The following NRG3 variants were observed in gnomAD, a reference collection of about 807,000 sequenced individuals.
NRG3 encodes the protein pro-neuregulin-3, membrane-bound isoform.
Under a neutral mutation model 66.9 loss-of-function variants are expected in NRG3, and 31 were observed. That is an observed-to-expected ratio of 0.46 (90% CI 0.35 to 0.63). The LOEUF is 0.63. Among genes scored for constraint, NRG3 ranks in the 20% least tolerant of loss-of-function variants. NRG3 has a pLI of 0.00. For missense variants in NRG3, 910 were observed against 878.9 expected (o/e 1.04, Z -0.45); for synonymous variants, 393 against 359.4 (o/e 1.09, Z -1.06).
intron 4 of NRG3, among the ~76,000 whole-genome samples, chr10:82,896,414 A>G (rs17101029): frequency 0.04 from 6,031 of 152,294 alleles, 138 homozygotes; most frequent in Middle Eastern, 0.1. Context: ...GGAATCAAGG[A>G]TCTGTAGAAT....
chr10:81,937,129 C>T (rs543410012), intron 1 of NRG3, among the ~76,000 whole-genome samples: 31 of 152,186 alleles, frequency 2.0e-4, no homozygotes, highest in East Asian at 1.2e-3. Flanking sequence ...TAAGGCTGAA[C>T]GAATTCTATT....
chr10:82,856,612 G>T, intron 3 of NRG3, among the ~76,000 whole-genome samples: 1 of 151,616 alleles, frequency 6.6e-6, no homozygotes, highest in East Asian at 1.9e-4. Context: ...GGGCATGGTG[G>T]CCGTGCCTGT....
At chr10:82,876,925 C>T (rs112615405) in intron 4 of NRG3, among the ~76,000 whole-genome samples, 1,621 of 150,820 alleles carry the variant, frequency 0.011, 23 homozygotes, top group African/African-American at 0.031. Flanking sequence ...TGGGAGGCTG[C>T]GGCAGGAGAA....
At chr10:82,572,314 G>C (rs1439031040) in intron 2 of NRG3, among the ~76,000 whole-genome samples, 1 of 151,102 alleles carries the variant, frequency 6.6e-6, no homozygotes, top group African/African-American at 2.4e-5. Context: ...TGGTATTTAG[G>C]ATTGTGCAAC....
chr10:81,890,218 C>A (rs925921116), intron 1 of NRG3, among the ~76,000 whole-genome samples: 2 of 152,106 alleles, frequency 1.3e-5, no homozygotes, highest in South Asian at 4.1e-4. Flanking sequence ...ACATTACTTT[C>A]TAGAATGGCA....
intron 1 of NRG3, among the ~76,000 whole-genome samples, chr10:82,050,765 A>G (rs1296520225): frequency 1.0e-5 from 1 of 98,296 alleles, no homozygotes; most frequent in African/African-American, 2.9e-5. Context: ...TCCTCCTCCC[A>G]TCTCTACCCC....
chr10:82,720,259 G>A lies in NRG3; in HGVS notation c.954-18318G>A, dbSNP rs186349392. 2.4e-3 allele frequency among the ~76,000 whole-genome samples: 367 copies of A among 152,120 alleles called. 4 individuals are homozygous for A. Among genetic ancestry groups the A allele is most frequent in the African/African-American group, 8.3e-3 (344 of 41,504 alleles). On this transcript the variant is annotated intron_variant, in intron 2 of 8. Transcript: ENST00000372141. ...ACAAAAATTAGTTGGGTGTGGTGGC[G>A]CATTCCTGTAATCTCAGCTACTTGG... is the stretch of plus-strand genomic sequence containing the variant.
At chr10:82,494,827 GT>G (rs1172336929) in intron 2 of NRG3, among the ~76,000 whole-genome samples, 1 of 152,156 alleles carries the variant, frequency 6.6e-6, no homozygotes, top group Non-Finnish European at 1.5e-5. Context: ...TGTATGAGCA[GT>G]TTTTTTGCGT....
chr10:82,960,708 A>G (rs1482115102), intron 6 of NRG3, among the ~76,000 whole-genome samples: 1 of 151,934 alleles, frequency 6.6e-6, no homozygotes, highest in Non-Finnish European at 1.5e-5. Context: ...AGAAGTGAAA[A>G]TGGCCGGTCC....
At chr10:81,883,014 C>T (rs1842318123) in intron 1 of NRG3, among the ~76,000 whole-genome samples, 1 of 152,156 alleles carries the variant, frequency 6.6e-6, no homozygotes. Context: ...ATCTGGAAAT[C>T]TGAAATCTAA....
intron 1 of NRG3, among the ~76,000 whole-genome samples, chr10:82,216,119 C>T (rs2133706498): frequency 6.6e-6 from 1 of 151,448 alleles, no homozygotes; most frequent in South Asian, 2.1e-4. Flanking sequence ...ATTACAGGCA[C>T]ACACTGCACA....
intron 1 of NRG3, among the ~76,000 whole-genome samples, chr10:81,969,314 C>T (rs1035550285): frequency 2.0e-5 from 3 of 152,134 alleles, no homozygotes; most frequent in African/African-American, 7.2e-5. Context: ...AAACAAAAAA[C>T]AAAATAACAG....
chr10:82,681,294 T>A (rs891711730), intron 2 of NRG3, among the ~76,000 whole-genome samples: 1 of 152,234 alleles, frequency 6.6e-6, no homozygotes, highest in Admixed American at 6.5e-5. Context: ...GAAACTCAGT[T>A]TCCTCATTTG....
At chr10:82,510,292 G>C (rs1275299311) in intron 2 of NRG3, among the ~76,000 whole-genome samples, 9 of 152,098 alleles carry the variant, frequency 5.9e-5, no homozygotes, top group African/African-American at 1.4e-4. Context: ...CGTGCATCTA[G>C]TTAGGTCTCA....
intron 1 of NRG3, among the ~76,000 whole-genome samples, chr10:82,049,041 A>C (rs2063459138): frequency 6.6e-6 from 1 of 152,172 alleles, no homozygotes; most frequent in South Asian, 2.1e-4. Context: ...TCCCAGGACT[A>C]AACCAGGAAG....
At chr10:82,064,000 T>A (rs868757955) in intron 1 of NRG3, among the ~76,000 whole-genome samples, 3 of 152,358 alleles carry the variant, frequency 2.0e-5, no homozygotes, top group Admixed American at 2.0e-4. Flanking sequence ...CTGCCTCTTA[T>A]CATGATCCAG....
intron 1 of NRG3, among the ~76,000 whole-genome samples, chr10:82,275,497 A>G (rs372677207): frequency 6.6e-6 from 1 of 152,036 alleles, no homozygotes; most frequent in Non-Finnish European, 1.5e-5. Flanking sequence ...ATTTCAAAGC[A>G]AAAGGCCAGT....
chr10:82,080,378 G>A (rs1189510160), intron 1 of NRG3, among the ~76,000 whole-genome samples: 3 of 152,038 alleles, frequency 2.0e-5, no homozygotes, highest in East Asian at 1.9e-4. Flanking sequence ...CTGGGGGGAC[G>A]GAAAGGAATG....
chr10:82,048,602 G>C (rs1589908472), intron 1 of NRG3, among the ~76,000 whole-genome samples: 1 of 150,388 alleles, frequency 6.6e-6, no homozygotes, highest in South Asian at 2.1e-4. Context: ...TCAAAGCAGT[G>C]TGTAGAGGGA....
Sources: gnomAD v4.1 joint callset for allele counts (sites outside exome capture counted in the v4.1 genomes callset) on GRCh38, gnomAD v4.1.1 for gene constraint, MANE v1.5 for transcripts, NCBI Gene and HGNC (gene_info 2026-07-23, HGNC 2026-07-21) for gene names.